LGR5: variants seen among roughly 807,000 people sequenced by gnomAD.
LGR5 encodes the protein leucine rich repeat containing G protein-coupled receptor 5.
LGR5 carries 54 observed loss-of-function variants against 76.7 expected under a neutral mutation model. The observed-to-expected ratio is 0.70, with a 90% CI of 0.57 to 0.88. The LOEUF (loss-of-function observed/expected upper bound fraction) is 0.88. Ranked by LOEUF, LGR5 falls within the 40% of genes least tolerant of loss-of-function variation. The pLI, the probability that LGR5 is intolerant of heterozygous loss-of-function variation, is 0.00. For synonymous variants in LGR5, 406 were observed against 421.9 expected, an observed-to-expected ratio of 0.96 and a Z score of 0.46; for missense variants, 1,078 against 1,073.3, an observed-to-expected ratio of 1.00 and a Z score of -0.06.
chr12:71,458,702 C>T lies in LGR5; in HGVS notation c.212+18410C>T, dbSNP rs115991634. Among the ~76,000 whole-genome samples the T allele has an allele frequency of 9.6e-3, 1,454 of 151,190 alleles. 20 individuals carry two copies. Among genetic ancestry groups the T allele is most frequent in the African/African-American group, 0.034 (1,367 of 40,672 alleles). On this transcript the variant is annotated intron_variant, in intron 1 of 17. Transcript: ENST00000266674. ...AGCTTCGTGTTCCTGCAAATTTATT[C>T]GTTCATTTATCCGTTTATTCACACA...
intron 1 of LGR5, among the ~76,000 whole-genome samples, chr12:71,480,550 T>G (rs1225657408): frequency 6.6e-6 from 1 of 152,116 alleles, no homozygotes; most frequent in South Asian, 2.1e-4. Flanking sequence ...ACAAGCATTC[T>G]CCAGATCCCT....
chr12:71,508,752 CAAAAAA>C, intron 2 of LGR5, among the ~76,000 whole-genome samples: 1 of 28,142 alleles, frequency 3.6e-5, no homozygotes, highest in African/African-American at 1.2e-4. Context: ...GACTCAGTCT[CAAAAAA>C]AAAAAAAAAA....
chr12:71,470,811 G>A (rs981605143), intron 1 of LGR5, among the ~76,000 whole-genome samples: 8 of 152,136 alleles, frequency 5.3e-5, no homozygotes, highest in Admixed American at 4.6e-4. Flanking sequence ...GGCCAAGATT[G>A]TCTTCCTCAC....
At chr12:71,520,724 G>C (rs916233164) in intron 2 of LGR5, among the ~76,000 whole-genome samples, 1 of 151,520 alleles carries the variant, frequency 6.6e-6, no homozygotes, top group African/African-American at 2.4e-5. Context: ...TCGGGGAATG[G>C]GGGACGGGGG....
intron 1 of LGR5, among the ~76,000 whole-genome samples, chr12:71,478,857 G>T (rs145057895): frequency 6.6e-6 from 1 of 152,258 alleles, no homozygotes; most frequent in African/African-American, 2.4e-5. Context: ...ACAAGAACTC[G>T]TTAATTATAT....
intron 1 of LGR5, among the ~76,000 whole-genome samples, chr12:71,493,793 G>C (rs1400769184): frequency 7.4e-6 from 1 of 134,238 alleles, no homozygotes; most frequent in Admixed American, 7.7e-5. Context: ...TTTCGAGACA[G>C]GGTCATGCTC....
intron 7 of LGR5, among the ~76,000 whole-genome samples, chr12:71,561,437 T>C (rs963709391): frequency 3.3e-5 from 5 of 152,232 alleles, no homozygotes; most frequent in African/African-American, 1.2e-4. Flanking sequence ...GTAGGAGTGA[T>C]CATAATCTCT....
intron 2 of LGR5, among the ~76,000 whole-genome samples, chr12:71,506,482 G>GA (rs903097527): frequency 9.2e-5 from 14 of 151,550 alleles, no homozygotes; most frequent in African/African-American, 1.5e-4. Flanking sequence ...AAAGATAGTT[G>GA]AAAAAAAATC....
intron 1 of LGR5, among the ~76,000 whole-genome samples, chr12:71,457,310 A>G (rs1233513096): frequency 3.9e-5 from 6 of 152,184 alleles, no homozygotes; most frequent in Non-Finnish European, 1.5e-5. Flanking sequence ...AAGGGGATGG[A>G]AGAGAAAGTA....
At chr12:71,575,698 G>A (rs547968596) in intron 13 of LGR5, among the ~76,000 whole-genome samples, 1 of 151,338 alleles carries the variant, frequency 6.6e-6, no homozygotes, top group East Asian at 1.9e-4. Context: ...GCGACAGAGT[G>A]AGACTCCATC....
chr12:71,582,255 C>T, intron 16 of LGR5: 1 of 508,372 alleles, frequency 2.0e-6, no homozygotes, highest in Non-Finnish European at 3.6e-6. Flanking sequence ...CTCCCTCACC[C>T]CCAGTTGTAC....
intron 1 of LGR5, chr12:71,441,595 C>T (rs1871772571): frequency 6.6e-6 from 1 of 152,104 alleles, no homozygotes; most frequent in Non-Finnish European, 1.5e-5. Flanking sequence ...TTTCTGGAGA[C>T]AGAGTGAGGA....
At chr12:71,477,531 A>G (rs1197134835) in intron 1 of LGR5, among the ~76,000 whole-genome samples, 7 of 150,866 alleles carry the variant, frequency 4.6e-5, no homozygotes, top group East Asian at 1.9e-4. Flanking sequence ...TTGTACATAT[A>G]TATCATTTTA....
intron 4 of LGR5, among the ~76,000 whole-genome samples, chr12:71,546,784 C>A (rs1469334789): frequency 6.6e-6 from 1 of 152,180 alleles, no homozygotes; most frequent in African/African-American, 2.4e-5. Flanking sequence ...TTCAGAGAAA[C>A]ACTTTCATGC....
intron 6 of LGR5, among the ~76,000 whole-genome samples, chr12:71,558,319 G>A (rs764121454): frequency 6.6e-6 from 1 of 151,710 alleles, no homozygotes; most frequent in Non-Finnish European, 1.5e-5. Flanking sequence ...TCCCCTCAAT[G>A]TTTGGGGTAA....
At chr12:71,550,992 A>G (rs1877454249) in intron 4 of LGR5, among the ~76,000 whole-genome samples, 2 of 152,226 alleles carry the variant, frequency 1.3e-5, no homozygotes, top group Admixed American at 6.5e-5. Flanking sequence ...TAGAGAAAGG[A>G]AAGAGAGATG....
chr12:71,544,275 T>TGTCTTTTTTTTTTCTTC (rs1877032741), intron 4 of LGR5, among the ~76,000 whole-genome samples: 1 of 147,954 alleles, frequency 6.8e-6, no homozygotes, highest in Non-Finnish European at 1.5e-5. Context: ...TTTTTTTCTT[T>TGTCTTTTTTTTTTCTTC]GTCTTTTTTT....
At chr12:71,547,794 AC>A (rs1877260872) in intron 4 of LGR5, among the ~76,000 whole-genome samples, 4 of 152,128 alleles carry the variant, frequency 2.6e-5, no homozygotes, top group Non-Finnish European at 5.9e-5. Context: ...TTTAGTAGAG[AC>A]AGGGTTTCCC....
Position 71,440,364 on chromosome 12 carries a change from G to A in LGR5, c.212+72G>A. 2 of 1,476,260 alleles carry A rather than the reference G, an allele frequency of 1.4e-6. No individual in the cohort carries two copies. Among genetic ancestry groups the A allele is most frequent in the Non-Finnish European group, 1.9e-6 (2 of 1,077,170 alleles). The allele number at this position is 1,476,260 out of a possible 1,614,324, so 91.4% of individuals were successfully genotyped here. A position where few individuals can be genotyped will look rare whatever the true frequency, so the allele number is the denominator to read the frequency against. The stretch of plus-strand genomic sequence containing the variant: ...GGAAGGTTCGTCCAAGGCGAGGCTG[G>A]AGGCTCCTCGGCGCCCGCCTGCTCG... On this transcript the variant is annotated intron_variant, in intron 1 of 17. Coordinates refer to ENST00000266674, the MANE Select transcript of LGR5 (RefSeq NM_003667.4). The surrounding 1 kb of genome is among the most constrained non-coding windows in gnomAD (Gnocchi z 5.3).
Sources: allele counts gnomAD v4.1 joint callset (sites outside exome capture counted in the v4.1 genomes callset), GRCh38; gene constraint gnomAD v4.1.1; non-coding constraint Gnocchi (gnomAD v3.1); transcripts MANE v1.5; gene names NCBI Gene and HGNC (gene_info 2026-07-23, HGNC 2026-07-21).